DERPC: variants seen among roughly 807,000 people sequenced by gnomAD.
DERPC encodes the protein DERPC proline and glycine rich nuclear protein, also known as decreased expression in renal and prostate cancer protein.
Under a neutral mutation model 7.2 loss-of-function variants are expected in DERPC, and 1 was observed. The ratio of observed to expected loss-of-function variants is 0.14; its 90% CI spans 0.05 to 0.66. The LOEUF is 0.66. Ranked by LOEUF, DERPC falls within the 30% of genes least tolerant of loss-of-function variation. The pLI is 0.84. For missense variants in DERPC, 502 were observed against 299.4 expected (o/e 1.68, Z -4.99); for synonymous variants, 185 against 117.6 (o/e 1.57, Z -3.71).
At chr16:69,126,320 G>A (rs1209448379) in intron 1 of DERPC, among the ~76,000 whole-genome samples, 1 of 152,152 alleles carries the variant, frequency 6.6e-6, no homozygotes, top group African/African-American at 2.4e-5. Context: ...CCATTTCCTG[G>A]ACAGTCTCCT....
chr16:69,121,001 G>A (rs1316498035), intron 2 of DERPC: 1 of 1,473,286 alleles, frequency 6.8e-7, no homozygotes, highest in Admixed American at 1.7e-5. Context: ...GCACCACCTT[G>A]GTGTAGCTTG....
rs1238998254 is a variant in DERPC, at chr16:69,118,286, T to G, written c.*568A>C. ...AGAAGGGAGCTGCAGGCCCAGTCAG[T>G]CAAGCAGAAACTGCATTCGGTGGGT... On this transcript the variant is annotated 3_prime_UTR_variant, in exon 3 of 3. Transcript: ENST00000519520. 25 of 998,016 alleles carry G rather than the reference T, an allele frequency of 2.5e-5. No individual in the cohort carries two copies. Among genetic ancestry groups the G allele is most frequent in the Non-Finnish European group, 4.0e-5 (25 of 623,680 alleles). 61.8% of individuals were successfully genotyped at this position (998,016 alleles called of 1,614,324 possible). A position where few individuals can be genotyped will look rare whatever the true frequency, so the allele number is the denominator to read the frequency against.
In DERPC at chr16:69,118,736, T is replaced by G; in HGVS notation, c.*118A>C. The G allele has an allele frequency of 1.6e-6, 1 of 640,218 alleles. No homozygotes were observed. Among genetic ancestry groups the G allele is most frequent in the Non-Finnish European group, 2.8e-6 (1 of 357,020 alleles). The allele number at this position is 640,218 out of a possible 1,614,324, so 39.7% of individuals were successfully genotyped here. On this transcript the variant is annotated 3_prime_UTR_variant, in exon 3 of 3. Transcript: ENST00000519520. Reference sequence around the variant, plus strand: ...AAGGAAAAAGATGGCTCATTTGAACTTGAGCCCAAGCTATGTTCTTCAGAC... The same window carrying G: ...AAGGAAAAAGATGGCTCATTTGAACGTGAGCCCAAGCTATGTTCTTCAGAC...
At chr16:69,131,324 A>G (rs981086881) in intron 1 of DERPC, 1 of 152,158 alleles carries the variant, frequency 6.6e-6, no homozygotes, top group African/African-American at 2.4e-5. Flanking sequence ...GGTGGAAAAG[A>G]TGGCTTCAGT....
At chr16:69,131,006 C>G (rs1273917507) in intron 1 of DERPC, among the ~76,000 whole-genome samples, 1 of 152,148 alleles carries the variant, frequency 6.6e-6, no homozygotes, top group Non-Finnish European at 1.5e-5. Flanking sequence ...CAACCGAATA[C>G]AGATTATTTT....
At chr16:69,123,591 A>G (rs531829754) in intron 1 of DERPC, among the ~76,000 whole-genome samples, 1 of 152,064 alleles carries the variant, frequency 6.6e-6, no homozygotes, top group Non-Finnish European at 1.5e-5. Flanking sequence ...CTGGGAGGCA[A>G]AGGTTACGGT....
chr16:69,125,902 T>TA (rs1193974674), intron 1 of DERPC, among the ~76,000 whole-genome samples: 1 of 152,184 alleles, frequency 6.6e-6, no homozygotes, highest in Admixed American at 6.5e-5. Context: ...AGACCAAATA[T>TA]AACATCTGCT....
At chr16:69,124,175 T>TG (rs1163689696) in intron 1 of DERPC, among the ~76,000 whole-genome samples, 2 of 151,958 alleles carry the variant, frequency 1.3e-5, no homozygotes, top group Non-Finnish European at 2.9e-5. Flanking sequence ...GTGGCAAACT[T>TG]GGAGTACTTT....
chr16:69,119,613 G>A lies in DERPC; in HGVS notation c.816C>T (p.Gly272=), dbSNP rs897580753. The A allele has an allele frequency of 3.5e-5, 24 of 695,016 alleles. No individual in the cohort carries two copies. Among genetic ancestry groups the A allele is most frequent in the Non-Finnish European group, 5.0e-5 (19 of 380,436 alleles). The allele number at this position is 695,016 out of a possible 1,614,324, so 43.1% of individuals were successfully genotyped here. The change falls in exon 3 of 3, where the codon GGC becomes GGT. Residue 272 remains glycine (G), a synonymous_variant. Transcript: ENST00000519520. ...GLNLRMAGPQ[G]LDLAPILRAA... is the part of the protein sequence containing the mutation. ...CTCTTAGAATGGGGGCAAGATCGAG[G>A]CCTTGAGGTCCAGCCATTCTTAAGT...
rs140772885 is a variant in DERPC at position 69,122,788 on chromosome 16, C to G, written c.-279-1295G>C. Among the ~76,000 whole-genome samples, 1,331 of 152,150 alleles carry G rather than the reference C, an allele frequency of 8.7e-3. 7 individuals are homozygous for G. Among genetic ancestry groups the G allele is most frequent in the Non-Finnish European group, 0.014 (978 of 67,978 alleles). On this transcript the variant is annotated intron_variant, in intron 1 of 2. Transcript: ENST00000519520. ...AACTCCTGACTTCAGGTTGGCCACC[C>G]ACTTTGGCCTCCCAAAGTGCTGGGA...
At chr16:69,121,386 A>G (rs1234311852) in intron 2 of DERPC, 50 bp downstream of exon 2, 1 of 1,514,750 alleles carries the variant, frequency 6.6e-7, no homozygotes, top group African/African-American at 1.4e-5. Context: ...GCACACCTCT[A>G]TAGCCCTCAT....
At chr16:69,130,166 A>C (rs1265418301) in intron 1 of DERPC, among the ~76,000 whole-genome samples, 2 of 152,250 alleles carry the variant, frequency 1.3e-5, no homozygotes, top group Admixed American at 1.3e-4. Context: ...TAATCCTTCA[A>C]AATAAAATGT....
At chr16:69,126,074 C>T (rs746953143) in intron 1 of DERPC, among the ~76,000 whole-genome samples, 1 of 152,124 alleles carries the variant, frequency 6.6e-6, no homozygotes, top group Non-Finnish European at 1.5e-5. Context: ...AGAGAAGGGG[C>T]TCTTGCAAAT....
In DERPC at chr16:69,119,134, C is replaced by T. The variant is rs1235154512; in HGVS notation, c.1295G>A (p.Gly432Asp). 1.4e-6 allele frequency: 1 copy of T among 703,052 alleles called. No individual in the cohort carries two copies. The highest frequency in any genetic ancestry group is 1.5e-5 in the South Asian group (1 of 67,572). The allele number at this position is 703,052 out of a possible 1,614,324, so 43.6% of individuals were successfully genotyped here. The change falls in exon 3 of 3, where the codon GGC becomes GAC. Residue 432 changes from glycine (G) to aspartate (D), a missense_variant. Physicochemically the swap from Gly to Asp is moderately conservative, Grantham distance 94. Coordinates refer to ENST00000519520, the MANE Select transcript of DERPC (RefSeq NM_001002847.4). ...PSPTTFPRST[G>D]PLGPGQVTFP... ...AGTAACTTGACCAGGGCCTAATGGG[C>T]CAGTAGACCTTGGGAAGGTAGTTGG...
intron 1 of DERPC, among the ~76,000 whole-genome samples, chr16:69,125,684 CAA>C (rs1160228211): frequency 6.6e-6 from 1 of 152,174 alleles, no homozygotes; most frequent in Non-Finnish European, 1.5e-5. Flanking sequence ...CAAACATTTC[CAA>C]AAGAGGCCCC....
At chr16:69,128,126 G>A (rs1303255586) in intron 1 of DERPC, among the ~76,000 whole-genome samples, 2 of 151,568 alleles carry the variant, frequency 1.3e-5, no homozygotes, top group Non-Finnish European at 2.9e-5. Flanking sequence ...TATTAGTCAG[G>A]CTGGTCTTGA....
At chr16:69,122,071 C>T (rs1961715331) in intron 1 of DERPC, among the ~76,000 whole-genome samples, 1 of 152,138 alleles carries the variant, frequency 6.6e-6, no homozygotes, top group African/African-American at 2.4e-5. Flanking sequence ...CAGGTGTGAG[C>T]CACCATGCCT....
In DERPC at chr16:69,120,459, T is replaced by C. The variant is rs746803241; in HGVS notation, c.-31A>G. The C allele has an allele frequency of 3.7e-6, 6 of 1,614,146 alleles. No individual in the cohort carries two copies. The Admixed American group carries it at 1.0e-4, about 27-fold the overall frequency. On this transcript the variant is annotated 5_prime_UTR_variant, in exon 3 of 3. Transcript: ENST00000519520. This position sits in a 1 kb window ranked among gnomAD's most constrained non-coding sequence, Gnocchi z 4.0. ...CTTGGGGACGCTGGTGATAATGGGC[T>C]TGGGGCGGGTTTTGAAAAGGATCTT... is the stretch of plus-strand genomic sequence containing the variant.
rs1567584638 is a variant in DERPC at position 69,118,091 on chromosome 16, CG to C, written c.*762del. The C allele has an allele frequency of 1.9e-6, 1 of 536,702 alleles. No individual in the cohort carries two copies. Among genetic ancestry groups the C allele is most frequent in the African/African-American group, 1.9e-5 (1 of 52,652 alleles). The allele number at this position is 536,702 out of a possible 1,614,324, so 33.2% of individuals were successfully genotyped here. On this transcript the variant is annotated 3_prime_UTR_variant, in exon 3 of 3. Transcript: ENST00000519520. ...CACCAACCATCCTTGCACACCAGGCCGAACAAAGCACAGTGATTTCTTCCCT... is the reference window on the plus strand; with the variant it reads ...CACCAACCATCCTTGCACACCAGGCCAACAAAGCACAGTGATTTCTTCCCT...
Sources: allele counts gnomAD v4.1 joint callset (sites outside exome capture counted in the v4.1 genomes callset), GRCh38; gene constraint gnomAD v4.1.1; non-coding constraint Gnocchi (gnomAD v3.1); transcripts MANE v1.5; gene names NCBI Gene and HGNC (gene_info 2026-07-23, HGNC 2026-07-21).